Variants in CNTNAP2 observed in about 807,000 individuals in gnomAD.
CNTNAP2 encodes contactin associated protein 2.
Under a neutral mutation model 155.2 loss-of-function variants are expected in CNTNAP2, and 98 were observed. That is an observed-to-expected ratio of 0.63 (90% CI 0.54 to 0.75). The LOEUF is 0.75. Among genes scored for constraint, CNTNAP2 ranks in the 30% least tolerant of loss-of-function variants. CNTNAP2 has a pLI of 0.00. For synonymous variants in CNTNAP2, 651 were observed against 631.2 expected (o/e 1.03, Z -0.47); for missense variants, 1,727 against 1,688.1 (o/e 1.02, Z -0.40).
chr7:148,327,947 AC>A (rs1286315021), intron 21 of CNTNAP2, among the ~76,000 whole-genome samples: 11 of 151,966 alleles, frequency 7.2e-5, no homozygotes, highest in Admixed American at 7.2e-4. Flanking sequence ...TAAAATGTCC[AC>A]CTGAGGACAC....
intron 13 of CNTNAP2, among the ~76,000 whole-genome samples, chr7:147,785,090 A>G (rs1383441403): frequency 6.6e-6 from 1 of 152,152 alleles, no homozygotes; most frequent in Non-Finnish European, 1.5e-5. Context: ...CAAGTAGGCA[A>G]TTGTATGCTT....
chr7:146,585,468 G>A (rs112495899), intron 1 of CNTNAP2, among the ~76,000 whole-genome samples: 4,573 of 152,048 alleles, frequency 0.03, 245 homozygotes, highest in African/African-American at 0.1. Flanking sequence ...CAGCACCCGA[G>A]CCTTAAATAA....
intron 13 of CNTNAP2, among the ~76,000 whole-genome samples, chr7:147,734,353 C>T (rs1796799734): frequency 6.6e-6 from 1 of 152,106 alleles, no homozygotes; most frequent in African/African-American, 2.4e-5. Context: ...GCCTTGCATC[C>T]CAGGGATGAA....
At chr7:148,201,740 C>A (rs2116732014) in intron 18 of CNTNAP2, among the ~76,000 whole-genome samples, 1 of 152,118 alleles carries the variant, frequency 6.6e-6, no homozygotes, top group East Asian at 1.9e-4. Context: ...CATCCATGGT[C>A]ACTATTATTT....
chr7:147,071,325 CAA>C (rs57444105), intron 4 of CNTNAP2, among the ~76,000 whole-genome samples: 22 of 132,756 alleles, frequency 1.7e-4, no homozygotes, highest in Admixed American at 3.0e-4. Flanking sequence ...GATTATCCTG[CAA>C]AAAAAAAAAA....
intron 13 of CNTNAP2, among the ~76,000 whole-genome samples, chr7:147,792,157 T>C (rs1389613437): frequency 6.6e-6 from 1 of 152,226 alleles, no homozygotes; most frequent in Non-Finnish European, 1.5e-5. Flanking sequence ...TATTCAGGCA[T>C]TTCCAAATAA....
chr7:147,926,819 T>C (rs895625686), intron 14 of CNTNAP2, among the ~76,000 whole-genome samples: 4 of 152,272 alleles, frequency 2.6e-5, no homozygotes, highest in Admixed American at 2.6e-4. Context: ...TGAATTCAGG[T>C]GATAATACAA....
intron 13 of CNTNAP2, among the ~76,000 whole-genome samples, chr7:147,651,698 G>C (rs1197462359): frequency 6.6e-6 from 1 of 152,144 alleles, no homozygotes; most frequent in Non-Finnish European, 1.5e-5. Flanking sequence ...GGCAATTTGA[G>C]AGAATCAAGT....
intron 2 of CNTNAP2, among the ~76,000 whole-genome samples, chr7:146,789,380 G>T (rs1227915896): frequency 1.3e-5 from 2 of 152,058 alleles, no homozygotes; most frequent in African/African-American, 4.8e-5. Flanking sequence ...TCTGAGAAGC[G>T]TATATTGAGT....
chr7:147,070,583 T>C (rs1379816507), intron 4 of CNTNAP2, among the ~76,000 whole-genome samples: 2 of 152,218 alleles, frequency 1.3e-5, no homozygotes, highest in African/African-American at 2.4e-5. Context: ...GATTTTAGTC[T>C]TTGATTTCTA....
chr7:147,542,632 C>T (rs947894931), intron 11 of CNTNAP2, among the ~76,000 whole-genome samples: 8 of 152,194 alleles, frequency 5.3e-5, no homozygotes, highest in Admixed American at 3.9e-4. Context: ...TAGCTAAGAG[C>T]TCTGTCTCTT....
In CNTNAP2 at chr7:148,033,255, G is replaced by A. The variant is rs192474895; in HGVS notation, c.2383+55266G>A. On this transcript the variant is annotated intron_variant, in intron 15 of 23. Transcript: ENST00000361727. ...AATTGGGTAAAATAAGAAATTCTTC[G>A]TAATTTAGAAGATGTATCTCTTTCC... is the stretch of plus-strand genomic sequence containing the variant. 9.9e-5 allele frequency among the ~76,000 whole-genome samples: 15 copies of A among 151,786 alleles called. No homozygotes were observed. In the East Asian group the frequency reaches 1.7e-3, roughly 18 times the overall value.
intron 1 of CNTNAP2, among the ~76,000 whole-genome samples, chr7:146,373,723 C>T (rs1795268728): frequency 6.6e-6 from 1 of 151,984 alleles, no homozygotes; most frequent in African/African-American, 2.4e-5. Context: ...GACTGACAGA[C>T]ATCAGTCTCC....
chr7:147,020,292 A>G (rs536627178), intron 3 of CNTNAP2, among the ~76,000 whole-genome samples: 75 of 152,254 alleles, frequency 4.9e-4, no homozygotes, highest in African/African-American at 1.8e-3. Flanking sequence ...CTGTTGTTCT[A>G]TAGACTTTAT....
At chr7:147,464,724 T>G (rs981202298) in intron 10 of CNTNAP2, among the ~76,000 whole-genome samples, 2 of 152,180 alleles carry the variant, frequency 1.3e-5, no homozygotes, top group Non-Finnish European at 2.9e-5. Context: ...ATTTAAAAAT[T>G]TAAAGCAACA....
intron 13 of CNTNAP2, among the ~76,000 whole-genome samples, chr7:147,861,702 A>C (rs1799135407): frequency 6.6e-6 from 1 of 152,112 alleles, no homozygotes. Flanking sequence ...CCCAAAATAA[A>C]TATCCTTAAA....
At chr7:148,125,081 T>G (rs374560689) in intron 16 of CNTNAP2, among the ~76,000 whole-genome samples, 47 of 152,274 alleles carry the variant, frequency 3.1e-4, no homozygotes, top group African/African-American at 1.1e-3. Flanking sequence ...GATCTCATTC[T>G]AAATATATGG....
At chr7:148,222,771 C>A (rs1795777200) in intron 19 of CNTNAP2, among the ~76,000 whole-genome samples, 1 of 152,182 alleles carries the variant, frequency 6.6e-6, no homozygotes, top group Non-Finnish European at 1.5e-5. Context: ...CCCACTCCAG[C>A]AAAACCAGGA....
chr7:146,919,939 A>G (rs1319952434), intron 3 of CNTNAP2, among the ~76,000 whole-genome samples: 2 of 152,174 alleles, frequency 1.3e-5, no homozygotes, highest in Admixed American at 1.3e-4. Flanking sequence ...GGGAGCTGCA[A>G]GTTGGTCCTT....
Sources: gnomAD v4.1 joint callset for allele counts (sites outside exome capture counted in the v4.1 genomes callset) on GRCh38, gnomAD v4.1.1 for gene constraint, MANE v1.5 for transcripts, NCBI Gene and HGNC (gene_info 2026-07-23, HGNC 2026-07-21) for gene names.